Variants in GNAQ observed in about 807,000 individuals in gnomAD.
GNAQ encodes the protein G protein subunit alpha q, also known as guanine nucleotide-binding protein G(q) subunit alpha.
GNAQ carries 8 observed loss-of-function variants against 43.9 expected under a neutral mutation model. The ratio of observed to expected loss-of-function variants is 0.18; its 90% CI spans 0.11 to 0.33. GNAQ has a LOEUF of 0.33. Among genes scored for constraint, GNAQ ranks in the 10% least tolerant of loss-of-function variants. GNAQ has a pLI of 1.00. For synonymous variants in GNAQ, 155 were observed against 170.7 expected (o/e 0.91, Z 0.71); for missense variants, 158 against 450.8 (o/e 0.35, Z 5.88).
chr9:77,797,736 AC>A (rs1422494447), intron 3 of GNAQ, 88 bp from the exon 4 acceptor site: 47 of 1,155,062 alleles, frequency 4.1e-5, no homozygotes, highest in Non-Finnish European at 1.5e-5. Context: ...ATGAGTCCTA[AC>A]AGAGAAGTAA....
At chr9:77,864,671 C>T (rs1827919931) in intron 2 of GNAQ, among the ~76,000 whole-genome samples, 1 of 152,142 alleles carries the variant, frequency 6.6e-6, no homozygotes, top group African/African-American at 2.4e-5. Context: ...AAGAATGTAG[C>T]CCCAGTGACA....
intron 3 of GNAQ, among the ~76,000 whole-genome samples, chr9:77,806,330 C>T (rs1471905087): frequency 2.0e-5 from 3 of 152,188 alleles, no homozygotes; most frequent in South Asian, 2.1e-4. Context: ...AACTGGATGG[C>T]GATGCTTAAT....
rs1819430016 is a variant in GNAQ, at chr9:77,910,080, C to A, written c.321+12081G>T. 2.6e-5 allele frequency among the ~76,000 whole-genome samples: 4 copies of A among 152,214 alleles called. No individual in the cohort carries two copies. The South Asian group carries it at 8.3e-4, about 32-fold the overall frequency. ...AACAATATAATAAAGAATAAGACTA[C>A]AATTCCTGAGAAGCAACAAGTTTTT... On this transcript the variant is annotated intron_variant, in intron 2 of 6. Coordinates refer to ENST00000286548, the MANE Select transcript of GNAQ (RefSeq NM_002072.5).
rs542029059 is a variant in GNAQ, at chr9:77,753,609, T to A, written c.736-24942A>T. On this transcript the variant is annotated intron_variant, in intron 5 of 6. Transcript: ENST00000286548. The stretch of plus-strand genomic sequence containing the variant: ...ATTCCTAAGAATCCTTAGGCATGTG[T>A]TGATATGATTGAGGGTGACAGAAAG... Among the ~76,000 whole-genome samples the A allele has an allele frequency of 6.6e-5, 10 of 152,282 alleles. No homozygotes were observed. In the South Asian group the frequency reaches 8.3e-4, roughly 13 times the overall value.
chr9:77,838,137 ATT>A lies in GNAQ; in HGVS notation c.322-22369_322-22368del, dbSNP rs574992587. Among the ~76,000 whole-genome samples the A allele has an allele frequency of 8.0e-3, 693 of 87,150 alleles. 3 individuals carry two copies. Among genetic ancestry groups the A allele is most frequent in the African/African-American group, 0.028 (616 of 21,738 alleles). The allele number at this position is 87,150 out of a possible 152,430, so 57.2% of individuals were successfully genotyped here. ...AGTCCTGGGATTACAGGCATTAATG[ATT>A]TTTTTTTTTTTTTTTTTTTTTGAGA... is the stretch of plus-strand genomic sequence containing the variant. On this transcript the variant is annotated intron_variant, in intron 2 of 6. Coordinates refer to ENST00000286548, the MANE Select transcript of GNAQ (RefSeq NM_002072.5).
chr9:77,971,184 G>A (rs913117808), intron 1 of GNAQ, among the ~76,000 whole-genome samples: 15 of 152,074 alleles, frequency 9.9e-5, no homozygotes, highest in African/African-American at 3.1e-4. Context: ...ATTCACAGCC[G>A]AATTCTACCA....
chr9:77,985,347 AGTTTT>A (rs1823422332), intron 1 of GNAQ, among the ~76,000 whole-genome samples: 1 of 152,116 alleles, frequency 6.6e-6, no homozygotes, highest in Non-Finnish European at 1.5e-5. Flanking sequence ...GAGTTTGTAG[AGTTTT>A]GTTTTGTTTT....
At chr9:77,748,955 G>A (rs1175026345) in intron 5 of GNAQ, among the ~76,000 whole-genome samples, 1 of 152,152 alleles carries the variant, frequency 6.6e-6, no homozygotes, top group East Asian at 1.9e-4. Context: ...GGGTAAGAAA[G>A]GGAAAGGGGG....
intron 5 of GNAQ, 85 bp from the exon 6 acceptor site, chr9:77,728,752 A>T (rs1825440253): frequency 1.0e-6 from 1 of 970,482 alleles, no homozygotes; most frequent in African/African-American, 1.6e-5. Flanking sequence ...TTATAAGTCC[A>T]ACCCATCTTT....
intron 5 of GNAQ, among the ~76,000 whole-genome samples, chr9:77,742,889 T>C (rs1346931038): frequency 6.6e-6 from 1 of 152,050 alleles, no homozygotes; most frequent in African/African-American, 2.4e-5. Context: ...TGGGAAAAAA[T>C]GCTGGGTAAA....
At chr9:77,755,764 CCTT>C (rs1825892857) in intron 5 of GNAQ, among the ~76,000 whole-genome samples, 1 of 151,918 alleles carries the variant, frequency 6.6e-6, no homozygotes, top group African/African-American at 2.4e-5. Context: ...ATAATTATGA[CCTT>C]ATTATTGTCT....
At chr9:77,776,004 C>T (rs1176321192) in intron 5 of GNAQ, among the ~76,000 whole-genome samples, 2 of 152,092 alleles carry the variant, frequency 1.3e-5, no homozygotes, top group African/African-American at 4.8e-5. Flanking sequence ...GAATAAGGAC[C>T]TCTAAAAATC....
chr9:77,869,092 C>T (rs1219999388), intron 2 of GNAQ, among the ~76,000 whole-genome samples: 64 of 152,234 alleles, frequency 4.2e-4, no homozygotes, highest in East Asian at 1.9e-4. Context: ...TTTCAACTGT[C>T]GCTCCACTGT....
At chr9:77,771,278 G>C (rs1237863420) in intron 5 of GNAQ, among the ~76,000 whole-genome samples, 2 of 152,224 alleles carry the variant, frequency 1.3e-5, no homozygotes, top group African/African-American at 2.4e-5. Context: ...ATAAGTTTGG[G>C]CTGCCATGGA....
At chr9:77,956,654 G>T (rs1823044185) in intron 1 of GNAQ, among the ~76,000 whole-genome samples, 1 of 152,144 alleles carries the variant, frequency 6.6e-6, no homozygotes, top group Non-Finnish European at 1.5e-5. Context: ...CCAGGAAGGG[G>T]GAGGAGGGAA....
At chr9:77,939,770 G>A (rs1456835821) in intron 1 of GNAQ, among the ~76,000 whole-genome samples, 2 of 152,174 alleles carry the variant, frequency 1.3e-5, no homozygotes, top group African/African-American at 4.8e-5. Flanking sequence ...GCCATATAGA[G>A]AATATTTTAT....
intron 1 of GNAQ, among the ~76,000 whole-genome samples, chr9:78,005,897 G>T (rs1018898143): frequency 1.1e-4 from 16 of 152,198 alleles, no homozygotes; most frequent in Admixed American, 1.0e-3. Context: ...TCGGCCAACG[G>T]AAAAGGGTAT....
chr9:77,950,980 AG>A (rs1822968042), intron 1 of GNAQ, among the ~76,000 whole-genome samples: 2 of 152,122 alleles, frequency 1.3e-5, no homozygotes, highest in African/African-American at 4.8e-5. Context: ...TACATTCTTT[AG>A]ATAAGATTAA....
At chr9:77,901,882 G>A (rs903606044) in intron 2 of GNAQ, among the ~76,000 whole-genome samples, 3 of 152,142 alleles carry the variant, frequency 2.0e-5, no homozygotes, top group African/African-American at 7.2e-5. Flanking sequence ...ATTAATTGAT[G>A]GCAGCTTCTT....
Sources: allele counts gnomAD v4.1 joint callset (sites outside exome capture counted in the v4.1 genomes callset), GRCh38; gene constraint gnomAD v4.1.1; transcripts MANE v1.5; gene names NCBI Gene and HGNC (gene_info 2026-07-23, HGNC 2026-07-21).